IP6K1: variants seen among roughly 807,000 people sequenced by gnomAD.
The protein encoded by IP6K1 is ATP:1D-myo-inositol-hexakisphosphate phosphotransferase.
Under a neutral mutation model 38.3 loss-of-function variants are expected in IP6K1, and 13 were observed. That is an observed-to-expected ratio of 0.34 (90% CI 0.22 to 0.54). The LOEUF (loss-of-function observed/expected upper bound fraction) is 0.54, where lower values mean the gene tolerates loss of function less well. Among genes scored for constraint, IP6K1 ranks in the 20% least tolerant of loss-of-function variants. IP6K1 has a pLI of 0.92. For synonymous variants in IP6K1, 212 were observed against 229.9 expected (o/e 0.92, Z 0.70); for missense variants, 397 against 599.8 (o/e 0.66, Z 3.53).
At chr3:49,754,725 T>A (rs9855505) in intron 1 of IP6K1, among the ~76,000 whole-genome samples, 1 of 151,854 alleles carries the variant, frequency 6.6e-6, no homozygotes, top group Non-Finnish European at 1.5e-5. Context: ...CAGGACTACT[T>A]TAAGAGCTAG....
At chr3:49,784,667 C>G (rs1005678590) in intron 1 of IP6K1, among the ~76,000 whole-genome samples, 1 of 147,280 alleles carries the variant, frequency 6.8e-6, no homozygotes, top group African/African-American at 2.5e-5. Context: ...AAAAAGTAGG[C>G]TTGGCGCGGT....
At chr3:49,758,206 C>T (rs867163892) in intron 1 of IP6K1, among the ~76,000 whole-genome samples, 1 of 149,042 alleles carries the variant, frequency 6.7e-6, no homozygotes, top group Admixed American at 6.9e-5. Flanking sequence ...CCCAGCTACT[C>T]GACAGGCTGA....
intron 1 of IP6K1, among the ~76,000 whole-genome samples, chr3:49,752,810 G>C (rs1207180083): frequency 6.7e-6 from 1 of 149,262 alleles, no homozygotes; most frequent in Non-Finnish European, 1.5e-5. Flanking sequence ...CTGGAGTGCA[G>C]TGGTGCGATC....
At chr3:49,765,075 G>A (rs568733904) in intron 1 of IP6K1, among the ~76,000 whole-genome samples, 5 of 152,214 alleles carry the variant, frequency 3.3e-5, no homozygotes, top group African/African-American at 9.6e-5. Context: ...TTTCTCCTCA[G>A]AAACCTCCAA....
intron 1 of IP6K1, among the ~76,000 whole-genome samples, chr3:49,779,685 A>G (rs1282379790): frequency 6.6e-6 from 1 of 151,920 alleles, no homozygotes; most frequent in African/African-American, 2.4e-5. Context: ...AATACACCCA[A>G]ATTTTTCTTT....
At chr3:49,761,546 G>A (rs1174628527) in intron 1 of IP6K1, among the ~76,000 whole-genome samples, 4 of 151,020 alleles carry the variant, frequency 2.6e-5, no homozygotes, top group Admixed American at 6.6e-5. Context: ...CCCGGGAGGC[G>A]GAGCTTGCAG....
rs1174320879 is a variant in IP6K1, at chr3:49,725,906, G to C, written c.*1216C>G. On this transcript the variant is annotated 3_prime_UTR_variant, in exon 6 of 6. Coordinates refer to ENST00000321599, the MANE Select transcript of IP6K1 (RefSeq NM_153273.4). Reference sequence around the variant, plus strand: ...GGCAACACCTGTGGAGGAAGGGCATGGGGCAAAAGCTCACCTCAGAAGTGG... The same window carrying C: ...GGCAACACCTGTGGAGGAAGGGCATCGGGCAAAAGCTCACCTCAGAAGTGG... 1 of 152,212 alleles carries C rather than the reference G, an allele frequency of 6.6e-6. No individual in the cohort carries two copies. The highest frequency in any genetic ancestry group is 1.5e-5 in the Non-Finnish European group (1 of 68,086). The allele number at this position is 152,212 out of a possible 1,614,324, so 9.4% of individuals were successfully genotyped here.
At chr3:49,761,730 G>A (rs1431474441) in intron 1 of IP6K1, among the ~76,000 whole-genome samples, 1 of 152,014 alleles carries the variant, frequency 6.6e-6, no homozygotes, top group Non-Finnish European at 1.5e-5. Context: ...AAGGCAGGAG[G>A]ATGACTTGAG....
intron 3 of IP6K1, among the ~76,000 whole-genome samples, chr3:49,733,526 T>C (rs1326750654): frequency 6.6e-6 from 1 of 152,208 alleles, no homozygotes; most frequent in Non-Finnish European, 1.5e-5. Context: ...AACAGATGAA[T>C]GGATAAGCAG....
chr3:49,763,566 A>G (rs910536114), intron 1 of IP6K1, among the ~76,000 whole-genome samples: 13 of 152,236 alleles, frequency 8.5e-5, no homozygotes, highest in Non-Finnish European at 1.8e-4. Context: ...CCCTCATGAC[A>G]AAGTGGGAAA....
chr3:49,729,171 T>G (rs1016486063), intron 4 of IP6K1, among the ~76,000 whole-genome samples: 1 of 152,138 alleles, frequency 6.6e-6, no homozygotes, highest in Non-Finnish European at 1.5e-5. Flanking sequence ...TTACCTTTCC[T>G]GGGTATCTCA....
intron 1 of IP6K1, among the ~76,000 whole-genome samples, chr3:49,767,511 G>A (rs1338449354): frequency 1.3e-5 from 2 of 152,048 alleles, no homozygotes; most frequent in South Asian, 4.2e-4. Context: ...ACCGGGAGGC[G>A]GAAACTGTGG....
chr3:49,774,460 A>G (rs748076603), intron 1 of IP6K1, among the ~76,000 whole-genome samples: 4 of 151,902 alleles, frequency 2.6e-5, no homozygotes, highest in Non-Finnish European at 5.9e-5. Flanking sequence ...TTACATGATC[A>G]AATACATATT....
chr3:49,742,926 T>C (rs1193961231), intron 2 of IP6K1, among the ~76,000 whole-genome samples: 8 of 149,660 alleles, frequency 5.3e-5, no homozygotes, highest in Non-Finnish European at 8.9e-5. Context: ...GGACTAAAAT[T>C]TTATATTAAA....
chr3:49,735,636 A>G (rs2080602860), intron 3 of IP6K1, among the ~76,000 whole-genome samples: 1 of 152,198 alleles, frequency 6.6e-6, no homozygotes, highest in African/African-American at 2.4e-5. Flanking sequence ...TGAAAGATGC[A>G]GACTGGCCAA....
Position 49,727,388 on chromosome 3 carries a change from ACCGGCGGTCCAGGCAGGACTCAGC to A in IP6K1, c.1036_1059del (p.Ala346_Arg353del). 6 of 1,614,010 alleles carry A rather than the reference ACCGGCGGTCCAGGCAGGACTCAGC, an allele frequency of 3.7e-6. No individual in the cohort carries two copies. Among genetic ancestry groups the A allele is most frequent in the Non-Finnish European group, 5.1e-6 (6 of 1,180,038 alleles). On this transcript the variant is annotated inframe_deletion, in exon 6 of 6. Coordinates refer to ENST00000321599, the MANE Select transcript of IP6K1 (RefSeq NM_153273.4). The surrounding 1 kb of genome is among the most constrained non-coding windows in gnomAD (Gnocchi z 5.9). ...TCCAGGTGCTTGAGACGCATCTCAGACCGGCGGTCCAGGCAGGACTCAGCCCGGCACTCCTTGCCATCATAGATG... is the reference window on the plus strand; with the variant it reads ...TCCAGGTGCTTGAGACGCATCTCAGACCGGCACTCCTTGCCATCATAGATG...
intron 2 of IP6K1, among the ~76,000 whole-genome samples, chr3:49,739,395 C>A (rs1421685632): frequency 1.3e-5 from 2 of 150,970 alleles, no homozygotes; most frequent in African/African-American, 4.9e-5. Flanking sequence ...GCTCTGTCGC[C>A]CAGGCTGGAG....
chr3:49,772,051 A>T (rs1350688794), intron 1 of IP6K1, among the ~76,000 whole-genome samples: 2 of 151,592 alleles, frequency 1.3e-5, no homozygotes, highest in East Asian at 1.9e-4. Context: ...TCTACAGAAA[A>T]TTTTTTTAAT....
rs1445858072 is a variant in IP6K1 at position 49,732,940 on chromosome 3, A to T, written c.467T>A (p.Leu156Gln). ...SQEAKSPKVELHSHSEVPFQM... is the reference protein window; with the variant it reads ...SQEAKSPKVEQHSHSEVPFQM... ...GAAAGGGACCTCTGAGTGGCTGTGC[A>T]GCTCCACCTTCGGACTCTTTGCCTC... Residue 156 changes from leucine (L) to glutamine (Q), a missense_variant, in exon 4 of 6, where the codon CTG (leucine) becomes CAG (glutamine). By Grantham distance (113) the Leu-to-Gln change is moderately radical. Around this residue, in one of 3 missense-constraint regions of IP6K1, gnomAD observed 171 missense variants for 237.0 expected, o/e 0.72. Transcript: ENST00000321599. 3.1e-6 allele frequency: 5 copies of T among 1,613,904 alleles called. No homozygotes were observed. The highest frequency in any genetic ancestry group is 4.2e-6 in the Non-Finnish European group (5 of 1,179,846).
Sources: gnomAD v4.1 joint callset for allele counts (sites outside exome capture counted in the v4.1 genomes callset) on GRCh38, gnomAD v4.1.1 for gene constraint, gnomAD v4.1.1 regional missense constraint, Gnocchi (gnomAD v3.1) non-coding constraint, MANE v1.5 for transcripts, NCBI Gene and HGNC (gene_info 2026-07-23, HGNC 2026-07-21) for gene names.